Variants in PLPP1 observed in about 807,000 individuals in gnomAD.
The protein encoded by PLPP1 is lipid phosphate phosphohydrolase 1a.
A neutral mutation model predicts 31.2 loss-of-function variants in PLPP1; 24 were observed. The ratio of observed to expected loss-of-function variants is 0.77; its 90% CI spans 0.56 to 1.08. PLPP1 has a LOEUF of 1.08. Ranked by LOEUF, PLPP1 falls within the 50% of genes least tolerant of loss-of-function variation. PLPP1 has a pLI of 0.00. For missense variants in PLPP1, 319 were observed against 342.7 expected, an observed-to-expected ratio of 0.93 and a Z score of 0.55; for synonymous variants, 146 against 126.3, an observed-to-expected ratio of 1.16 and a Z score of -1.05.
intron 4 of PLPP1, among the ~76,000 whole-genome samples, chr5:55,426,572 G>T (rs958423773): frequency 1.4e-4 from 21 of 148,378 alleles, no homozygotes; most frequent in African/African-American, 5.2e-4. Context: ...CAGCTAATTG[G>T]TTTTTTTTTT....
At chr5:55,506,263 T>TAAAAAAAAAAAAAAAAAAAAA (rs201809819) in intron 1 of PLPP1, among the ~76,000 whole-genome samples, 1 of 128,550 alleles carries the variant, frequency 7.8e-6, no homozygotes, top group Non-Finnish European at 1.6e-5. Context: ...AGCAAATTAC[T>TAAAAAAAAAAAAAAAAAAAAA]AAAAAAAAAA....
intron 1 of PLPP1, among the ~76,000 whole-genome samples, chr5:55,481,593 GA>G (rs1447757988): frequency 6.6e-6 from 1 of 151,980 alleles, no homozygotes; most frequent in Non-Finnish European, 1.5e-5. Context: ...TAGTTTGGAA[GA>G]AAAAAAGACC....
intron 2 of PLPP1, 187 bp from the exon 3 acceptor site, chr5:55,468,336 G>T: frequency 1.9e-6 from 1 of 535,842 alleles, no homozygotes; most frequent in Non-Finnish European, 3.2e-6. Context: ...CACAAAACAG[G>T]TGTCATATCA....
intron 3 of PLPP1, among the ~76,000 whole-genome samples, chr5:55,450,661 T>C (rs969779883): frequency 1.3e-5 from 2 of 152,142 alleles, no homozygotes; most frequent in Admixed American, 6.5e-5. Flanking sequence ...TAAGTTTCCT[T>C]GGTTATTAAG....
intron 3 of PLPP1, among the ~76,000 whole-genome samples, chr5:55,447,475 CTGAG>C (rs1389031427): frequency 6.6e-6 from 1 of 152,210 alleles, no homozygotes; most frequent in Non-Finnish European, 1.5e-5. Context: ...TTACAAGTTA[CTGAG>C]TATGTTCAGG....
chr5:55,532,282 A>G (rs79432531), intron 1 of PLPP1, among the ~76,000 whole-genome samples: 3 of 152,080 alleles, frequency 2.0e-5, no homozygotes, highest in Non-Finnish European at 4.4e-5. Flanking sequence ...CATTAGCTTC[A>G]GCTACCTCAG....
intron 1 of PLPP1, among the ~76,000 whole-genome samples, chr5:55,482,271 C>T (rs528988922): frequency 1.3e-5 from 2 of 151,262 alleles, no homozygotes; most frequent in African/African-American, 4.9e-5. Context: ...CTTTGTCCCC[C>T]CTCACCCCCG....
intron 3 of PLPP1, among the ~76,000 whole-genome samples, chr5:55,448,268 T>TC (rs1186106201): frequency 4.6e-5 from 7 of 152,172 alleles, no homozygotes; most frequent in African/African-American, 1.7e-4. Flanking sequence ...AGGTGATGAA[T>TC]GAGAAAATGA....
intron 4 of PLPP1, among the ~76,000 whole-genome samples, chr5:55,428,723 C>A (rs1252928449): frequency 6.6e-6 from 1 of 152,200 alleles, no homozygotes; most frequent in Non-Finnish European, 1.5e-5. Flanking sequence ...AGCGCCAAGG[C>A]TAATAGTAAA....
At position 55,425,259 on chromosome 5, in the gene PLPP1, G is replaced by A. The variant is rs1203073572; in HGVS notation, c.802C>T (p.Leu268=). 6.2e-7 allele frequency: 1 copy of A among 1,613,174 alleles called. No homozygotes were observed. The highest frequency in any genetic ancestry group is 8.5e-7 in the Non-Finnish European group (1 of 1,179,350). Residue 268 remains leucine (L), a synonymous_variant, in exon 6 of 6, where the codon CTG becomes TTG. Transcript: ENST00000307259. ...ERKEEDSHTT[L]HETPTTGNHY... ...TTCCCAGTTGTTGGTGTTTCATGCAGAGTTGTATGAGAGTCCTCCTCTTTT... is the reference window on the plus strand; with the variant it reads ...TTCCCAGTTGTTGGTGTTTCATGCAAAGTTGTATGAGAGTCCTCCTCTTTT...
intron 1 of PLPP1, among the ~76,000 whole-genome samples, chr5:55,492,142 A>G (rs1170826164): frequency 6.6e-6 from 1 of 152,180 alleles, no homozygotes; most frequent in East Asian, 1.9e-4. Flanking sequence ...CAAATTTACC[A>G]TGCTTTTAGG....
chr5:55,439,718 G>C (rs1751580367), intron 4 of PLPP1, among the ~76,000 whole-genome samples: 1 of 152,156 alleles, frequency 6.6e-6, no homozygotes, highest in African/African-American at 2.4e-5. Flanking sequence ...ACAGCCCTCA[G>C]TACAAGTTAC....
chr5:55,480,847 T>C (rs1296525505), intron 1 of PLPP1, among the ~76,000 whole-genome samples: 1 of 152,226 alleles, frequency 6.6e-6, no homozygotes, highest in African/African-American at 2.4e-5. Flanking sequence ...TGCTTAACTT[T>C]TTAAGAAATT....
At chr5:55,487,143 GC>G (rs1340620806) in intron 1 of PLPP1, among the ~76,000 whole-genome samples, 2 of 152,030 alleles carry the variant, frequency 1.3e-5, no homozygotes, top group Non-Finnish European at 2.9e-5. Flanking sequence ...ATTTAAAATA[GC>G]CTATTAAACA....
At chr5:55,449,989 T>C (rs979970086) in intron 3 of PLPP1, among the ~76,000 whole-genome samples, 2 of 152,074 alleles carry the variant, frequency 1.3e-5, no homozygotes, top group Non-Finnish European at 2.9e-5. Flanking sequence ...TTATATAGAC[T>C]CATCTTATTT....
rs113649174 is a variant in PLPP1, at chr5:55,526,894, T to G, written c.58+7678A>C. Reference sequence around the variant, plus strand: ...TTGCAGTGAGCCAAGATCGGGCCACTGTACTCCAGCCTGGGCGACAGAGCG... The same window carrying G: ...TTGCAGTGAGCCAAGATCGGGCCACGGTACTCCAGCCTGGGCGACAGAGCG... On this transcript the variant is annotated intron_variant, in intron 1 of 5. Coordinates refer to ENST00000307259, the MANE Select transcript of PLPP1 (RefSeq NM_003711.4). Among the ~76,000 whole-genome samples the G allele has an allele frequency of 9.7e-3, 1,297 of 134,162 alleles. 13 individuals are homozygous for G. The highest frequency in any genetic ancestry group is 0.015 in the Non-Finnish European group (1,005 of 65,934). 88.0% of individuals were successfully genotyped at this position (134,162 alleles called of 152,430 possible).
At chr5:55,501,015 C>T (rs748950537) in intron 1 of PLPP1, among the ~76,000 whole-genome samples, 10 of 152,160 alleles carry the variant, frequency 6.6e-5, no homozygotes, top group African/African-American at 2.4e-4. Context: ...TTTTCTTACT[C>T]TGTTAAAACA....
intron 1 of PLPP1, among the ~76,000 whole-genome samples, chr5:55,526,568 C>T (rs1043054549): frequency 1.4e-5 from 2 of 146,612 alleles, no homozygotes; most frequent in Admixed American, 6.7e-5. Context: ...TAGAGAAAAA[C>T]AACAACAACG....
intron 1 of PLPP1, among the ~76,000 whole-genome samples, chr5:55,532,672 T>A (rs975485625): frequency 6.6e-6 from 1 of 152,146 alleles, no homozygotes; most frequent in African/African-American, 2.4e-5. Context: ...ATAAAGACAG[T>A]GTTCAGTTGG....
Sources: gnomAD v4.1 joint callset for allele counts (sites outside exome capture counted in the v4.1 genomes callset) on GRCh38, gnomAD v4.1.1 for gene constraint, MANE v1.5 for transcripts, NCBI Gene and HGNC (gene_info 2026-07-23, HGNC 2026-07-21) for gene names.